OCA2: variants seen among roughly 807,000 people sequenced by gnomAD.
OCA2 encodes the protein P protein.
In OCA2, 77 loss-of-function variants were observed where a neutral mutation model predicts 100.2. That is an observed-to-expected ratio of 0.77 (90% CI 0.64 to 0.93). OCA2 has a LOEUF of 0.93. Among genes scored for constraint, OCA2 ranks in the 40% least tolerant of loss-of-function variants. The probability of loss-of-function intolerance (pLI) is 0.00; values close to 1 mark genes in which losing one functional copy is unlikely to be tolerated. For synonymous variants in OCA2, 432 were observed against 439.2 expected, an observed-to-expected ratio of 0.98 and a Z score of 0.21; for missense variants, 1,062 against 1,089.1, an observed-to-expected ratio of 0.98 and a Z score of 0.35.
chr15:27,920,484 T>G (rs1023981084), intron 19 of OCA2, among the ~76,000 whole-genome samples: 1 of 152,120 alleles, frequency 6.6e-6, no homozygotes, highest in Non-Finnish European at 1.5e-5. Context: ...ATTTCTAATT[T>G]TTTACAAAAA....
chr15:27,781,105 G>T (rs1047723056), intron 23 of OCA2, among the ~76,000 whole-genome samples: 1 of 152,198 alleles, frequency 6.6e-6, no homozygotes, highest in Non-Finnish European at 1.5e-5. Flanking sequence ...AGAGTCTGCT[G>T]CCTAAGAAGG....
intron 2 of OCA2, among the ~76,000 whole-genome samples, chr15:28,047,992 G>C (rs2043393848): frequency 6.6e-6 from 1 of 151,626 alleles, no homozygotes; most frequent in African/African-American, 2.4e-5. Context: ...ATCTGAAAAA[G>C]GAAATTAAGA....
At chr15:28,028,454 T>C (rs1012388367) in intron 3 of OCA2, among the ~76,000 whole-genome samples, 1 of 152,064 alleles carries the variant, frequency 6.6e-6, no homozygotes, top group South Asian at 2.1e-4. Flanking sequence ...GTGGTGTCAG[T>C]TTTTCCTCCT....
the OCA2 span, among the ~76,000 whole-genome samples, chr15:27,725,465 G>A: frequency 6.6e-6 from 1 of 152,210 alleles, no homozygotes; most frequent in South Asian, 2.1e-4. Flanking sequence ...CTACTCAGGA[G>A]GCTGAGGCAG....
chr15:28,014,955 T>C (rs772560139), intron 8 of OCA2, 26 bp from the exon 9 acceptor site: 1 of 1,613,422 alleles, frequency 6.2e-7, no homozygotes, highest in Non-Finnish European at 8.5e-7. Context: ...ACGACCTTAC[T>C]GTTCACAAGG....
chr15:27,801,550 C>CAA (rs34636608), intron 23 of OCA2, among the ~76,000 whole-genome samples: 825 of 37,820 alleles, frequency 0.022, 174 homozygotes, highest in African/African-American at 0.06. Context: ...GACTCGGTCT[C>CAA]AAAAAAAAAA....
chr15:27,972,006 C>T (rs911370392), intron 14 of OCA2, among the ~76,000 whole-genome samples: 14 of 152,210 alleles, frequency 9.2e-5, no homozygotes, highest in Middle Eastern at 3.4e-3. Context: ...CCAATGTTCT[C>T]GTTACCAGTG....
intron 23 of OCA2, among the ~76,000 whole-genome samples, chr15:27,772,265 A>T (rs940330829): frequency 6.6e-6 from 1 of 152,240 alleles, no homozygotes; most frequent in Non-Finnish European, 1.5e-5. Context: ...GTACTTTGTC[A>T]ATGTTACTGA....
At chr15:27,722,634 T>TGTCC in the OCA2 span, among the ~76,000 whole-genome samples, 1 of 147,808 alleles carries the variant, frequency 6.8e-6, no homozygotes. Context: ...CCTTCCTTCC[T>TGTCC]TTCCTTCCTT....
chr15:27,725,854 CAAAA>C, the OCA2 span, among the ~76,000 whole-genome samples: 1 of 151,922 alleles, frequency 6.6e-6, no homozygotes, highest in Non-Finnish European at 1.5e-5. Context: ...GTTGAGTTCT[CAAAA>C]AAAGTTCATG....
At chr15:28,059,856 T>C (rs1316864124) in intron 2 of OCA2, among the ~76,000 whole-genome samples, 1 of 152,200 alleles carries the variant, frequency 6.6e-6, no homozygotes, top group Non-Finnish European at 1.5e-5. Flanking sequence ...AATGGGAGCA[T>C]GTGAAGTCAA....
At chr15:27,802,527 T>C (rs1413519198) in intron 23 of OCA2, among the ~76,000 whole-genome samples, 1 of 152,052 alleles carries the variant, frequency 6.6e-6, no homozygotes, top group Non-Finnish European at 1.5e-5. Context: ...AGAACAAATA[T>C]AAAGAAATGA....
At chr15:27,750,240 C>T (rs1179673086), downstream of OCA2, among the ~76,000 whole-genome samples, 1 of 152,182 alleles carries the variant, frequency 6.6e-6, no homozygotes, top group Non-Finnish European at 1.5e-5. Flanking sequence ...AGAAGTAGAA[C>T]GTCTCCTTCA....
Position 28,070,457 on chromosome 15 carries a change from C to G in OCA2, c.227+11191G>C, listed in dbSNP as rs1245066228. 1.3e-3 allele frequency among the ~76,000 whole-genome samples: 166 copies of G among 123,104 alleles called. 6 individuals carry two copies. Among genetic ancestry groups the G allele is most frequent in the Middle Eastern group, 4.3e-3 (1 of 230 alleles). The allele number at this position is 123,104 out of a possible 152,430, so 80.8% of individuals were successfully genotyped here. On this transcript the variant is annotated intron_variant, in intron 2 of 23. Transcript: ENST00000354638. Reference sequence around the variant, plus strand: ...AGGGAGATGGGGGGGTCAGCCCCCCCACCCGGCCAGCCGCCCAGTCCGGGA... The same window carrying G: ...AGGGAGATGGGGGGGTCAGCCCCCCGACCCGGCCAGCCGCCCAGTCCGGGA...
chr15:27,917,674 C>T (rs767245527), intron 19 of OCA2, among the ~76,000 whole-genome samples: 8 of 152,092 alleles, frequency 5.3e-5, no homozygotes, highest in Non-Finnish European at 1.0e-4. Context: ...AGGGGGGAAG[C>T]AAGGTGAGGA....
chr15:27,753,607 G>C (rs954784504), downstream of OCA2, among the ~76,000 whole-genome samples: 2 of 151,910 alleles, frequency 1.3e-5, no homozygotes, highest in African/African-American at 4.8e-5. Flanking sequence ...CGTGGTGGCG[G>C]GTGCATGTAG....
intron 19 of OCA2, among the ~76,000 whole-genome samples, chr15:27,900,699 T>C (rs920798119): frequency 1.3e-5 from 2 of 152,188 alleles, no homozygotes; most frequent in African/African-American, 4.8e-5. Context: ...CTGTCCAAGA[T>C]AACTGCTTTC....
chr15:27,758,797 A>C (rs1248809834), intron 23 of OCA2, among the ~76,000 whole-genome samples: 3 of 152,194 alleles, frequency 2.0e-5, no homozygotes, highest in Non-Finnish European at 4.4e-5. Context: ...AAATGAAAAA[A>C]GACTAAAAAA....
intron 9 of OCA2, among the ~76,000 whole-genome samples, chr15:28,004,863 A>G (rs7170546): frequency 0.023 from 3,565 of 151,944 alleles, 153 homozygotes; most frequent in African/African-American, 0.081. Flanking sequence ...ACACACTCAC[A>G]TGCACCCCAA....
Sources: allele counts gnomAD v4.1 joint callset (sites outside exome capture counted in the v4.1 genomes callset), GRCh38; gene constraint gnomAD v4.1.1; transcripts MANE v1.5; gene names NCBI Gene and HGNC (gene_info 2026-07-23, HGNC 2026-07-21).